ABRA: variants seen among roughly 807,000 people sequenced by gnomAD.
ABRA encodes the protein actin binding Rho activating protein, also known as actin-binding Rho-activating protein.
ABRA carries 25 observed loss-of-function variants against 33.4 expected under a neutral mutation model. That is an observed-to-expected ratio of 0.75 (90% confidence interval 0.55 to 1.04). The LOEUF is 1.04. Ranked by LOEUF, ABRA falls within the 50% of genes least tolerant of loss-of-function variation. The pLI, the probability that ABRA is intolerant of heterozygous loss-of-function variation, is 0.00. For missense variants in ABRA, 501 were observed against 491.7 expected, an observed-to-expected ratio of 1.02 and a Z score of -0.18; for synonymous variants, 193 against 176.8, an observed-to-expected ratio of 1.09 and a Z score of -0.73.
chr8:106,770,114 A>G lies in ABRA; in HGVS notation c.77T>C (p.Val26Ala). 1.2e-6 allele frequency: 2 copies of G among 1,613,714 alleles called. No individual in the cohort carries two copies. The highest frequency in any genetic ancestry group is 2.7e-5 in the African/African-American group (2 of 74,972). The change falls in exon 1 of 2, where the codon GTC (valine) becomes GCC (alanine). Residue 26 changes from valine (V) to alanine (A), a missense_variant. By Grantham distance (64) the Val-to-Ala change is moderately conservative. Transcript: ENST00000311955. ...CTGCCAACCTCGGGCCAAGCTGATG[A>G]CCAGGGTGGCTGTGCGTATCTTCCG... ...ALRKIRTATL[V>A]ISLARGWQQW...
Position 106,770,118 on chromosome 8 carries a change from G to T in ABRA, c.73C>A (p.Leu25Met). 6.2e-7 allele frequency: 1 copy of T among 1,613,818 alleles called. No individual in the cohort carries two copies. Among genetic ancestry groups the T allele is most frequent in the Non-Finnish European group, 8.5e-7 (1 of 1,179,822 alleles). Residue 25 changes from leucine (L) to methionine (M), a missense_variant, in exon 1 of 2, where the codon CTG becomes ATG. By Grantham distance (15) the Leu-to-Met change is conservative (BLOSUM62 2). Coordinates refer to ENST00000311955, the MANE Select transcript of ABRA (RefSeq NM_139166.5). ...CAACCTCGGGCCAAGCTGATGACCA[G>T]GGTGGCTGTGCGTATCTTCCGGAGG... ...SALRKIRTAT[L>M]VISLARGWQQ...
chr8:106,769,465 C>T (rs899522098), intron 1 of ABRA, 58 bp downstream of exon 1: 23 of 1,555,394 alleles, frequency 1.5e-5, no homozygotes, highest in Non-Finnish European at 1.8e-5. Flanking sequence ...GATTCCCAGA[C>T]TTGGTTGGGG....
rs1048208765 is a variant in ABRA at position 106,769,988 on chromosome 8, G to T, written c.203C>A (p.Pro68His). 1 of 1,613,892 alleles carries T rather than the reference G, an allele frequency of 6.2e-7. No individual in the cohort carries two copies. Among genetic ancestry groups the T allele is most frequent in the East Asian group, 2.2e-5 (1 of 44,870 alleles). ...CTGAGCTTTCTGGTGTGAAGTAGGG[G>T]GTGTGATTGGTTTAGGAGCTTGAGG... ...DSPQAPKPIT[P>H]PTSHQKAQSA... Residue 68 changes from proline (P) to histidine (H), a missense_variant, in exon 1 of 2, where the codon CCC (proline) becomes CAC (histidine). Pro to His is a moderately conservative substitution (Grantham distance 77). Coordinates refer to ENST00000311955, the MANE Select transcript of ABRA (RefSeq NM_139166.5).
At position 106,759,588 on chromosome 8, in the gene ABRA, T is replaced by G. The variant is rs1306934302; in HGVS notation, c.*1449A>C. 1 of 152,176 alleles carries G rather than the reference T, an allele frequency of 6.6e-6. No individual in the cohort carries two copies. The highest frequency in any genetic ancestry group is 2.4e-5 in the African/African-American group (1 of 41,444). The allele number at this position is 152,176 out of a possible 1,614,324, so 9.4% of individuals were successfully genotyped here. ...TTACATGAAATCCTACTTAGAAATA[T>G]TGGTCATTAACTTATAGCTTTATAA... On this transcript the variant is annotated 3_prime_UTR_variant, in exon 2 of 2. Transcript: ENST00000311955.
At position 106,761,351 on chromosome 8, in the gene ABRA, G is replaced by A. The variant is rs750586739; in HGVS notation, c.832C>T (p.Arg278Cys). ...TAGCCCTCATCTCCTTTGTGTAGGC[G>A]GGTGGACATGGCCAGCTCGTAATCA... ...EFDYELAMST[R>C]LHKGDEGYGR... The change falls in exon 2 of 2, where the codon CGC becomes TGC. Residue 278 changes from arginine to cysteine, a missense_variant. Arg to Cys is a radical substitution (Grantham distance 180). Coordinates refer to ENST00000311955, the MANE Select transcript of ABRA (RefSeq NM_139166.5). 62 of 1,613,992 alleles carry A rather than the reference G, an allele frequency of 3.8e-5. No homozygotes were observed. The highest frequency in any genetic ancestry group is 4.9e-5 in the Non-Finnish European group (58 of 1,180,042).
chr8:106,768,043 C>T (rs930134111), intron 1 of ABRA, among the ~76,000 whole-genome samples: 1 of 149,906 alleles, frequency 6.7e-6, no homozygotes, highest in African/African-American at 2.5e-5. Context: ...TGCAGTGAGC[C>T]GAGGTCGTGC....
chr8:106,767,667 A>T (rs1413020926), intron 1 of ABRA, among the ~76,000 whole-genome samples: 2 of 152,222 alleles, frequency 1.3e-5, no homozygotes, highest in African/African-American at 4.8e-5. Flanking sequence ...TGAAGCGACA[A>T]AGCATTTAAA....
At chr8:106,766,581 A>G (rs1298549689) in intron 1 of ABRA, among the ~76,000 whole-genome samples, 2 of 152,180 alleles carry the variant, frequency 1.3e-5, no homozygotes, top group African/African-American at 4.8e-5. Context: ...AGCTAGGATT[A>G]CCACTGGAAT....
intron 1 of ABRA, among the ~76,000 whole-genome samples, chr8:106,767,843 C>T (rs1810522216): frequency 1.3e-5 from 2 of 152,094 alleles, no homozygotes; most frequent in Non-Finnish European, 2.9e-5. Flanking sequence ...CTCATGCATC[C>T]CAGGACTTTG....
rs1836119146 is a variant in ABRA, at chr8:106,760,495, A to G, written c.*542T>C. On this transcript the variant is annotated 3_prime_UTR_variant, in exon 2 of 2. Transcript: ENST00000311955. ...TTTAAGTTTAGTTTTACCAAACTTA[A>G]TGGTATTTTCTTTTTTCCAAATAAA... is the stretch of plus-strand genomic sequence containing the variant. 2 of 152,242 alleles carry G rather than the reference A, an allele frequency of 1.3e-5. No homozygotes were observed. Among genetic ancestry groups the G allele is most frequent in the African/African-American group, 4.8e-5 (2 of 41,454 alleles). The allele number at this position is 152,242 out of a possible 1,614,324, so 9.4% of individuals were successfully genotyped here.
At position 106,770,099 on chromosome 8, in the gene ABRA, C is replaced by G. The variant is rs148182297; in HGVS notation, c.92G>C (p.Arg31Pro). Reference protein sequence around the residue: ...RTATLVISLARGWQQWANENS... With the variant: ...RTATLVISLAPGWQQWANENS... ...CTCATTCGCCCACTGCTGCCAACCT[C>G]GGGCCAAGCTGATGACCAGGGTGGC... The change falls in exon 1 of 2, where the codon CGA becomes CCA. Residue 31 changes from arginine to proline, a missense_variant. By Grantham distance (103) the Arg-to-Pro change is moderately radical (BLOSUM62 -2). Coordinates refer to ENST00000311955, the MANE Select transcript of ABRA (RefSeq NM_139166.5). 6.2e-7 allele frequency: 1 copy of G among 1,613,884 alleles called. No individual in the cohort carries two copies. The highest frequency in any genetic ancestry group is 8.5e-7 in the Non-Finnish European group (1 of 1,179,836).
intron 1 of ABRA, among the ~76,000 whole-genome samples, 193 bp from the exon 2 acceptor site, chr8:106,761,707 G>C (rs1349211676): frequency 6.6e-6 from 1 of 152,078 alleles, no homozygotes; most frequent in African/African-American, 2.4e-5. Flanking sequence ...TCTTAGTTTG[G>C]TGCATATCCT....
In ABRA at chr8:106,759,717, A is replaced by G. The variant is rs1036993933; in HGVS notation, c.*1320T>C. 4 of 152,220 alleles carry G rather than the reference A, an allele frequency of 2.6e-5. No homozygotes were observed. The highest frequency in any genetic ancestry group is 9.6e-5 in the African/African-American group (4 of 41,462). The allele number at this position is 152,220 out of a possible 1,614,324, so 9.4% of individuals were successfully genotyped here. On this transcript the variant is annotated 3_prime_UTR_variant, in exon 2 of 2. Transcript: ENST00000311955. ...CAAATATAATTCTTATAGCAGTCTA[A>G]TACCTATTATTTTGAGGTATCATAT...
chr8:106,767,592 C>T (rs1836242830), intron 1 of ABRA, among the ~76,000 whole-genome samples: 1 of 152,134 alleles, frequency 6.6e-6, no homozygotes, highest in African/African-American at 2.4e-5. Flanking sequence ...GGCAAACTTC[C>T]CCTCTGAGCT....
At chr8:106,766,889 A>T (rs1209686684) in intron 1 of ABRA, among the ~76,000 whole-genome samples, 1 of 152,238 alleles carries the variant, frequency 6.6e-6, no homozygotes. Flanking sequence ...GAGACTCAGG[A>T]TTACCAAAGT....
intron 1 of ABRA, among the ~76,000 whole-genome samples, chr8:106,765,653 C>T (rs1187300516): frequency 4.6e-5 from 7 of 152,150 alleles, no homozygotes; most frequent in African/African-American, 1.4e-4. Flanking sequence ...AACATTTCTG[C>T]TCAGCAGTTT....
In ABRA at chr8:106,769,680, T is replaced by C. The variant is rs1287657074; in HGVS notation, c.511A>G (p.Thr171Ala). 2 of 1,614,126 alleles carry C rather than the reference T, an allele frequency of 1.2e-6. No homozygotes were observed. Among genetic ancestry groups the C allele is most frequent in the Non-Finnish European group, 1.7e-6 (2 of 1,180,026 alleles). Residue 171 changes from threonine (T) to alanine (A), a missense_variant, in exon 1 of 2, where the codon ACC (threonine) becomes GCC (alanine). Physicochemically the swap from Thr to Ala is moderately conservative, Grantham distance 58. Transcript: ENST00000311955. ...TGCTCCATCACTCTCCAGCCCTTGG[T>C]TAGCTCAGACACCAGGTTGGCACAT... ...RKCANLVSELTKGWRVMEQEE... is the reference protein window; with the variant it reads ...RKCANLVSELAKGWRVMEQEE...
In ABRA at chr8:106,760,913, G is replaced by A. The variant is rs1176417406; in HGVS notation, c.*124C>T. The A allele has an allele frequency of 9.9e-5, 88 of 892,398 alleles. No homozygotes were observed. Among genetic ancestry groups the A allele is most frequent in the East Asian group, 9.7e-4 (40 of 41,112 alleles). 55.3% of individuals were successfully genotyped at this position (892,398 alleles called of 1,614,324 possible). On this transcript the variant is annotated 3_prime_UTR_variant, in exon 2 of 2. Transcript: ENST00000311955. Reference sequence around the variant, plus strand: ...GATAGAAATAGAATGCCAGAAAGTCGTTTATGTAAAAATTGTTTAATATTT... The same window carrying A: ...GATAGAAATAGAATGCCAGAAAGTCATTTATGTAAAAATTGTTTAATATTT...
Position 106,759,685 on chromosome 8 carries a change from A to G in ABRA, c.*1352T>C, listed in dbSNP as rs1836108505. On this transcript the variant is annotated 3_prime_UTR_variant, in exon 2 of 2. Coordinates refer to ENST00000311955, the MANE Select transcript of ABRA (RefSeq NM_139166.5). The stretch of plus-strand genomic sequence containing the variant: ...CCTTCAGTTTGAAAGAGACTCATAC[A>G]TGAAAACAAATATAATTCTTATAGC... 1 of 152,208 alleles carries G rather than the reference A, an allele frequency of 6.6e-6. No individual in the cohort carries two copies. The highest frequency in any genetic ancestry group is 1.5e-5 in the Non-Finnish European group (1 of 68,018). 9.4% of individuals were successfully genotyped at this position (152,208 alleles called of 1,614,324 possible). A position where few individuals can be genotyped will look rare whatever the true frequency, so the allele number is the denominator to read the frequency against.
Sources: allele counts gnomAD v4.1 joint callset (sites outside exome capture counted in the v4.1 genomes callset), GRCh38; gene constraint gnomAD v4.1.1; transcripts MANE v1.5; gene names NCBI Gene and HGNC (gene_info 2026-07-23, HGNC 2026-07-21).